DCAF10: variants seen among roughly 807,000 people sequenced by gnomAD.
DCAF10 encodes DDB1- and CUL4-associated factor 10.
In DCAF10, 19 loss-of-function variants were observed where a neutral mutation model predicts 51.9. The ratio of observed to expected loss-of-function variants is 0.37; its 90% CI spans 0.26 to 0.54. The LOEUF is 0.54. Among genes scored for constraint, DCAF10 ranks in the 20% least tolerant of loss-of-function variants. DCAF10 has a pLI of 0.87. For synonymous variants in DCAF10, 291 were observed against 297.1 expected (o/e 0.98, Z 0.21); for missense variants, 510 against 730.6 (o/e 0.70, Z 3.48).
chr9:37,856,734 T>C (rs1830860305), intron 4 of DCAF10, among the ~76,000 whole-genome samples: 1 of 152,128 alleles, frequency 6.6e-6, no homozygotes, highest in Non-Finnish European at 1.5e-5. Context: ...GGAGGATCAC[T>C]TGAACCCAGG....
chr9:37,802,503 G>A (rs1828985037), intron 1 of DCAF10, among the ~76,000 whole-genome samples: 1 of 152,142 alleles, frequency 6.6e-6, no homozygotes, highest in Admixed American at 6.5e-5. Flanking sequence ...TGATTGGTAT[G>A]TCAAAGGTCG....
chr9:37,826,240 T>C (rs1032522868), intron 2 of DCAF10, among the ~76,000 whole-genome samples: 2 of 151,988 alleles, frequency 1.3e-5, no homozygotes, highest in Non-Finnish European at 2.9e-5. Flanking sequence ...GAGCAAAGGA[T>C]ATGGACAAAC....
intron 1 of DCAF10, among the ~76,000 whole-genome samples, chr9:37,808,597 A>AATATAAAAATATAATATATTTATATT (rs1381860759): frequency 1.9e-5 from 2 of 103,812 alleles, no homozygotes; most frequent in African/African-American, 8.0e-5. Flanking sequence ...ATATTTATAT[A>AATATAAAAATATAATATATTTATATT]ATATAATATA....
intron 2 of DCAF10, among the ~76,000 whole-genome samples, chr9:37,828,886 C>T (rs943454629): frequency 6.6e-6 from 1 of 152,040 alleles, no homozygotes; most frequent in Non-Finnish European, 1.5e-5. Context: ...GAAAGCAAAG[C>T]TTTAAAGTTT....
chr9:37,827,437 G>C (rs1472993055), intron 2 of DCAF10, among the ~76,000 whole-genome samples: 1 of 152,140 alleles, frequency 6.6e-6, no homozygotes, highest in Non-Finnish European at 1.5e-5. Flanking sequence ...AATGGTGGTA[G>C]AGTTAATGTA....
At chr9:37,840,542 T>C (rs1250771930) in intron 2 of DCAF10, among the ~76,000 whole-genome samples, 1 of 152,236 alleles carries the variant, frequency 6.6e-6, no homozygotes, top group Admixed American at 6.5e-5. Context: ...GAAAATATTT[T>C]TGTACAGTTG....
At chr9:37,800,712 C>T (rs1295123033), upstream of DCAF10, 19 of 1,535,620 alleles carry the variant, frequency 1.2e-5, no homozygotes, top group Non-Finnish European at 1.7e-5. Context: ...GGTGTCTCAG[C>T]TTTCCCGGTC....
chr9:37,851,387 C>T (rs929322844), intron 3 of DCAF10, among the ~76,000 whole-genome samples: 4 of 151,992 alleles, frequency 2.6e-5, no homozygotes, highest in African/African-American at 9.7e-5. Flanking sequence ...CATTATGTTG[C>T]CCGTGTTGGT....
chr9:37,825,278 T>C (rs1033838909), intron 2 of DCAF10, among the ~76,000 whole-genome samples: 2 of 152,184 alleles, frequency 1.3e-5, no homozygotes, highest in Admixed American at 1.3e-4. Flanking sequence ...CATGCATATG[T>C]TCATTGCAGC....
chr9:37,812,137 G>A (rs747035262), intron 1 of DCAF10, among the ~76,000 whole-genome samples: 13 of 151,428 alleles, frequency 8.6e-5, no homozygotes, highest in East Asian at 3.9e-4. Flanking sequence ...CTGAGATTGC[G>A]CCACTGCATT....
In DCAF10 at chr9:37,819,270, T is replaced by C. The variant is rs761148736; in HGVS notation, c.540-18T>C. On this transcript the variant is annotated intron_variant, in intron 1 of 6. Coordinates refer to ENST00000377724, the MANE Select transcript of DCAF10 (RefSeq NM_024345.5). Reference sequence around the variant, plus strand: ...ATGCTAGAAAACTAAACAAGATAAATGTGTCATTTGCTTTCAGGTCAGTGC... The same window carrying C: ...ATGCTAGAAAACTAAACAAGATAAACGTGTCATTTGCTTTCAGGTCAGTGC... 7 of 1,587,300 alleles carry C rather than the reference T, an allele frequency of 4.4e-6. No homozygotes were observed. The South Asian group carries it at 7.8e-5, about 18-fold the overall frequency.
chr9:37,850,102 G>T (rs1371703328), intron 3 of DCAF10, among the ~76,000 whole-genome samples: 1 of 152,004 alleles, frequency 6.6e-6, no homozygotes, highest in Non-Finnish European at 1.5e-5. Context: ...TGGCCCATAG[G>T]CCAAAGTTTT....
intron 2 of DCAF10, among the ~76,000 whole-genome samples, chr9:37,837,413 C>T (rs1329038977): frequency 6.7e-6 from 1 of 149,006 alleles, no homozygotes; most frequent in African/African-American, 2.5e-5. Flanking sequence ...AAGATGAGAT[C>T]GCGCCACTGC....
chr9:37,814,242 G>A (rs780629458), intron 1 of DCAF10, among the ~76,000 whole-genome samples: 2 of 146,190 alleles, frequency 1.4e-5, no homozygotes, highest in Non-Finnish European at 3.0e-5. Context: ...GGGTTCAAGC[G>A]ATTCTCCTGC....
At position 37,808,599 on chromosome 9, in the gene DCAF10, TATA is replaced by T. The variant is rs1310225176; in HGVS notation, c.539+7198_539+7200del. 3.6e-4 allele frequency among the ~76,000 whole-genome samples: 37 copies of T among 101,796 alleles called. 1 individual carries two copies. In the East Asian group the frequency reaches 4.1e-3, roughly 11 times the overall value. 66.8% of individuals were successfully genotyped at this position (101,796 alleles called of 152,430 possible). A position where few individuals can be genotyped will look rare whatever the true frequency, so the allele number is the denominator to read the frequency against. ...TATAATATAAAATATATTTATATAA[TATA>T]ATATAAAAATATAATATATTTATAT... is the stretch of plus-strand genomic sequence containing the variant. On this transcript the variant is annotated intron_variant, in intron 1 of 6. Coordinates refer to ENST00000377724, the MANE Select transcript of DCAF10 (RefSeq NM_024345.5).
intron 1 of DCAF10, among the ~76,000 whole-genome samples, chr9:37,814,052 A>C (rs1829433861): frequency 7.3e-6 from 1 of 137,224 alleles, no homozygotes; most frequent in African/African-American, 2.7e-5. Context: ...ATCAGAGTGC[A>C]ATTGAACCAC....
At chr9:37,833,739 C>A (rs897263068) in intron 2 of DCAF10, among the ~76,000 whole-genome samples, 3 of 152,066 alleles carry the variant, frequency 2.0e-5, no homozygotes, top group African/African-American at 7.3e-5. Context: ...TTATTGGGGT[C>A]TGTGGAGTTA....
At chr9:37,852,050 T>G (rs1221823083) in intron 3 of DCAF10, among the ~76,000 whole-genome samples, 2 of 151,878 alleles carry the variant, frequency 1.3e-5, no homozygotes, top group African/African-American at 4.8e-5. Context: ...ACTTGGAAAG[T>G]CAAATGAATC....
At chr9:37,827,056 C>T (rs1452227123) in intron 2 of DCAF10, among the ~76,000 whole-genome samples, 1 of 152,110 alleles carries the variant, frequency 6.6e-6, no homozygotes, top group Non-Finnish European at 1.5e-5. Context: ...GAACTCCCGA[C>T]CTCAGGTGAT....
Sources: gnomAD v4.1 joint callset for allele counts (sites outside exome capture counted in the v4.1 genomes callset) on GRCh38, gnomAD v4.1.1 for gene constraint, MANE v1.5 for transcripts, NCBI Gene and HGNC (gene_info 2026-07-23, HGNC 2026-07-21) for gene names.